Variants in SELE observed in about 807,000 individuals in gnomAD.
SELE encodes the protein selectin E.
Under a neutral mutation model 75.8 loss-of-function variants are expected in SELE, and 52 were observed. That is an observed-to-expected ratio of 0.69 (90% CI 0.55 to 0.86). SELE has a LOEUF of 0.86. Ranked by LOEUF, SELE falls within the 40% of genes least tolerant of loss-of-function variation. The probability of loss-of-function intolerance (pLI) is 0.00; values close to 1 mark genes in which losing one functional copy is unlikely to be tolerated. For missense variants in SELE, 754 were observed against 732.7 expected (o/e 1.03, Z -0.34); for synonymous variants, 285 against 258.7 (o/e 1.10, Z -0.98).
At chr1:169,726,965 A>G (rs1478429600) in intron 10 of SELE, among the ~76,000 whole-genome samples, 159 bp from the exon 11 acceptor site, 1 of 152,196 alleles carries the variant, frequency 6.6e-6, no homozygotes, top group Non-Finnish European at 1.5e-5. Flanking sequence ...CAGGCCTTTG[A>G]GATCTGCTCC....
intron 4 of SELE, among the ~76,000 whole-genome samples, chr1:169,730,860 T>C (rs1648896192): frequency 1.3e-5 from 2 of 152,010 alleles, no homozygotes; most frequent in African/African-American, 4.8e-5. Flanking sequence ...TTGAGTGATA[T>C]GGGGAGAGTA....
chr1:169,729,161 A>G, intron 7 of SELE, 25 bp downstream of exon 7: 1 of 1,562,230 alleles, frequency 6.4e-7, no homozygotes, highest in Non-Finnish European at 8.7e-7. Context: ...TTAAGAAAGT[A>G]TAAATCGAAG....
intron 4 of SELE, 130 bp from the exon 5 acceptor site, chr1:169,730,747 GTAAAAT>G: frequency 1.9e-6 from 1 of 515,614 alleles, no homozygotes; most frequent in Non-Finnish European, 3.2e-6. Context: ...AATGGAATTT[GTAAAAT>G]TGACTGTAAT....
chr1:169,727,455 G>A lies in SELE; in HGVS notation c.1539C>T (p.Gly513=), dbSNP rs370539834. The A allele has an allele frequency of 3.7e-5, 59 of 1,614,024 alleles. No individual in the cohort carries two copies. The highest frequency in any genetic ancestry group is 5.0e-5 in the Non-Finnish European group (59 of 1,180,026). Reference sequence around the variant, plus strand: ...CAGGACAGGCGAACTTGCACACAGTGCCAAACACGGGCTCCCCACTGCAGC... The same window carrying A: ...CAGGACAGGCGAACTTGCACACAGTACCAAACACGGGCTCCCCACTGCAGC... ...NMSCSGEPVF[G]TVCKFACPEG... Residue 513 remains glycine (G), a synonymous_variant, in exon 10 of 14, where the codon GGC becomes GGT. Transcript: ENST00000333360.
Position 169,732,600 on chromosome 1 carries a change from C to T in SELE, c.421+15G>A. On this transcript the variant is annotated intron_variant, in intron 3 of 13. Transcript: ENST00000333360. ...ACACTGAAACTACCTCCCACTGCTG[C>T]CGCAAACTCCCTACCTGTGTAGCAT... 6.5e-7 allele frequency: 1 copy of T among 1,540,722 alleles called. No individual in the cohort carries two copies. Among genetic ancestry groups the T allele is most frequent in the Non-Finnish European group, 8.7e-7 (1 of 1,146,580 alleles).
intron 8 of SELE, 63 bp from the exon 9 acceptor site, chr1:169,727,990 G>T (rs1648818279): frequency 6.3e-7 from 1 of 1,587,334 alleles, no homozygotes; most frequent in Admixed American, 1.8e-5. Flanking sequence ...GTTTCCCAAG[G>T]TAACCAAGTT....
intron 5 of SELE, 55 bp downstream of exon 5, chr1:169,730,377 A>T (rs1401892568): frequency 2.2e-6 from 3 of 1,378,486 alleles, no homozygotes; most frequent in Admixed American, 4.7e-5. Context: ...ATCAAAAAAC[A>T]GAAGCAATGA....
chr1:169,731,895 T>C lies in SELE; in HGVS notation c.469A>G (p.Thr157Ala), dbSNP rs1029218380. 5 of 1,613,832 alleles carry C rather than the reference T, an allele frequency of 3.1e-6. No homozygotes were observed. In the Admixed American group the frequency reaches 6.7e-5, roughly 22 times the overall value. ...CACTTGCAAGTGTAATTATTGATGG[T>C]CTCTACACATTCACCGTGGCCACTG... ...SCSGHGECVE[T>A]INNYTCKCDP... Residue 157 changes from threonine to alanine, a missense_variant, in exon 4 of 14, where the codon ACC (threonine) becomes GCC (alanine). Physicochemically the swap from Thr to Ala is moderately conservative, Grantham distance 58. Transcript: ENST00000333360.
chr1:169,732,003 G>T, intron 3 of SELE, 61 bp from the exon 4 acceptor site: 1 of 1,060,992 alleles, frequency 9.4e-7, no homozygotes, highest in South Asian at 1.3e-5. Flanking sequence ...GAGTGCCTTT[G>T]ATTTTAGAAT....
rs1648752154 is a variant in SELE at position 169,725,907 on chromosome 1, C to G, written c.1775G>C (p.Ser592Thr). ...TGCTTTGTATAAGAATGCAACTTAC[C>G]TGGCAGGAACAAATTTCTTTGCTGC... ...LRKAKKFVPA[S>T]SCQSLESDGS... is the part of the protein sequence containing the mutation. Residue 592 changes from serine to threonine, a missense_variant and splice_region_variant, in exon 12 of 14, where the codon AGC (serine) becomes ACC (threonine). Physicochemically the swap from Ser to Thr is moderately conservative, Grantham distance 58 (BLOSUM62 1). Coordinates refer to ENST00000333360, the MANE Select transcript of SELE (RefSeq NM_000450.2). 6.2e-7 allele frequency: 1 copy of G among 1,613,914 alleles called. No homozygotes were observed. The highest frequency in any genetic ancestry group is 8.5e-7 in the Non-Finnish European group (1 of 1,179,980).
chr1:169,730,347 G>A, intron 5 of SELE, 85 bp downstream of exon 5: 4 of 1,265,904 alleles, frequency 3.2e-6, no homozygotes, highest in Non-Finnish European at 2.1e-6. Flanking sequence ...TTTCCCTGAA[G>A]TTTTGAAAAT....
Position 169,726,716 on chromosome 1 carries a change from C to T in SELE, c.1736G>A (p.Arg579Gln), listed in dbSNP as rs766410469. 1.0e-4 allele frequency: 168 copies of T among 1,612,530 alleles called. No individual in the cohort carries two copies. In the South Asian group the frequency reaches 1.1e-3, roughly 10 times the overall value. The change falls in exon 11 of 14, where the codon CGG (arginine) becomes CAG (glutamine). Residue 579 changes from arginine (R) to glutamine (Q), a missense_variant. Transcript: ENST00000333360. ...TTCCTCACCTTTCCGTAAGCATTTCCGAAGCCAGAGGAGAAATGGTGCTAA... is the reference window on the plus strand; with the variant it reads ...TTCCTCACCTTTCCGTAAGCATTTCTGAAGCCAGAGGAGAAATGGTGCTAA... ...LTLAPFLLWL[R>Q]KCLRKAKKFV...
intron 4 of SELE, among the ~76,000 whole-genome samples, chr1:169,731,099 CTG>C (rs60173462): frequency 0.37 from 56,549 of 152,052 alleles, 10,818 homozygotes; most frequent in Middle Eastern, 0.49. Flanking sequence ...TAGCCACTAT[CTG>C]TGTGGCTACT....
In SELE at chr1:169,727,498, G is replaced by A. The variant is rs769922959; in HGVS notation, c.1496C>T (p.Pro499Leu). ...QVVKCSSLAV[P>L]GKINMSCSGE... ...ACTGCAGCTCATGTTGATCTTTCCCGGAACTGCCAGGCTTGAACATTTTAC... is the reference window on the plus strand; with the variant it reads ...ACTGCAGCTCATGTTGATCTTTCCCAGAACTGCCAGGCTTGAACATTTTAC... The change falls in exon 10 of 14, where the codon CCG becomes CTG. Residue 499 changes from proline to leucine, a missense_variant. By Grantham distance (98) the Pro-to-Leu change is moderately conservative (BLOSUM62 -3). Coordinates refer to ENST00000333360, the MANE Select transcript of SELE (RefSeq NM_000450.2). 2.4e-5 allele frequency: 38 copies of A among 1,613,762 alleles called. No individual in the cohort carries two copies. Among genetic ancestry groups the A allele is most frequent in the African/African-American group, 5.3e-5 (4 of 74,896 alleles).
chr1:169,728,718 C>A (rs1648836821), intron 7 of SELE, among the ~76,000 whole-genome samples: 1 of 152,194 alleles, frequency 6.6e-6, no homozygotes, highest in Non-Finnish European at 1.5e-5. Context: ...TTTCAATATC[C>A]TTGCTCTCAC....
intron 1 of SELE, 81 bp downstream of exon 1, chr1:169,733,890 G>A (rs1033757522): frequency 2.2e-6 from 1 of 463,048 alleles, no homozygotes; most frequent in African/African-American, 2.0e-5. Context: ...AGCTTGTACA[G>A]ATGTGGTTTT....
At chr1:169,733,806 T>C (rs1648977254) in intron 1 of SELE, 146 bp from the exon 2 acceptor site, 2 of 589,910 alleles carry the variant, frequency 3.4e-6, no homozygotes, top group Middle Eastern at 3.3e-4. Flanking sequence ...TTTAATCAAA[T>C]AAATAAACAA....
chr1:169,729,060 G>A, intron 7 of SELE, 126 bp downstream of exon 7: 1 of 764,656 alleles, frequency 1.3e-6, no homozygotes, highest in South Asian at 2.1e-5. Flanking sequence ...GAATCTCAAA[G>A]ATACGAGGGT....
In SELE at chr1:169,723,504, G is replaced by A. The variant is rs888611583; in HGVS notation, c.*1021C>T. Reference sequence around the variant, plus strand: ...ATTTATGCTTTTATTAGTTCAAAACGTTTGGCCTCATGGAAGTTTTTCATC... The same window carrying A: ...ATTTATGCTTTTATTAGTTCAAAACATTTGGCCTCATGGAAGTTTTTCATC... On this transcript the variant is annotated 3_prime_UTR_variant, in exon 14 of 14. Transcript: ENST00000333360. 20 of 152,164 alleles carry A rather than the reference G, an allele frequency of 1.3e-4. No homozygotes were observed. The highest frequency in any genetic ancestry group is 6.2e-4 in the South Asian group (3 of 4,826). The allele number at this position is 152,164 out of a possible 1,614,324, so 9.4% of individuals were successfully genotyped here. A position where few individuals can be genotyped will look rare whatever the true frequency, so the allele number is the denominator to read the frequency against.
Sources: gnomAD v4.1 joint callset for allele counts (sites outside exome capture counted in the v4.1 genomes callset) on GRCh38, gnomAD v4.1.1 for gene constraint, MANE v1.5 for transcripts, NCBI Gene and HGNC (gene_info 2026-07-23, HGNC 2026-07-21) for gene names.